The following HMCN1 variants were observed in gnomAD, a reference collection of about 807,000 sequenced individuals.
The protein encoded by HMCN1 is hemicentin 1.
Under a neutral mutation model 625.9 loss-of-function variants are expected in HMCN1, and 321 were observed. That is an observed-to-expected ratio of 0.51 (90% CI 0.47 to 0.56). The LOEUF is 0.56. Ranked by LOEUF, HMCN1 falls within the 20% of genes least tolerant of loss-of-function variation. The probability of loss-of-function intolerance (pLI) is 0.00; values close to 1 mark genes in which losing one functional copy is unlikely to be tolerated. For synonymous variants in HMCN1, 2,425 were observed against 2,417.6 expected (o/e 1.00, Z -0.09); for missense variants, 6,588 against 6,887.3 (o/e 0.96, Z 1.54).
At chr1:186,123,758 T>G (rs996688129) in intron 81 of HMCN1, among the ~76,000 whole-genome samples, 19 of 152,186 alleles carry the variant, frequency 1.2e-4, no homozygotes, top group Non-Finnish European at 2.4e-4. Flanking sequence ...TATTATATAT[T>G]TTGACTAAGG....
At chr1:185,747,452 G>A (rs1654494434) in intron 1 of HMCN1, among the ~76,000 whole-genome samples, 1 of 151,892 alleles carries the variant, frequency 6.6e-6, no homozygotes, top group African/African-American at 2.4e-5. Context: ...CCAAGTAGCT[G>A]GAACTACAGG....
intron 4 of HMCN1, among the ~76,000 whole-genome samples, chr1:185,867,874 G>A (rs1226456276): frequency 2.6e-5 from 4 of 152,048 alleles, no homozygotes; most frequent in African/African-American, 9.7e-5. Flanking sequence ...TTCGAGACCA[G>A]CCTGGCCAAC....
intron 1 of HMCN1, among the ~76,000 whole-genome samples, chr1:185,842,516 AT>A (rs1661537392): frequency 6.6e-6 from 1 of 151,986 alleles, no homozygotes; most frequent in Non-Finnish European, 1.5e-5. Context: ...GTGAGCTGTG[AT>A]CATGCCATTG....
chr1:185,953,730 G>C (rs1004914778), intron 11 of HMCN1, among the ~76,000 whole-genome samples: 2 of 151,824 alleles, frequency 1.3e-5, no homozygotes, highest in Non-Finnish European at 2.9e-5. Flanking sequence ...AACTCCCAAG[G>C]GAGGTCCCCC....
At chr1:186,086,867 G>T (rs139413016) in intron 58 of HMCN1, among the ~76,000 whole-genome samples, 1,863 of 147,678 alleles carry the variant, frequency 0.013, 15 homozygotes, top group Middle Eastern at 0.038. Context: ...TAGATAGATA[G>T]ATTAGACACC....
At chr1:186,048,441 A>G (rs1360047087) in intron 41 of HMCN1, among the ~76,000 whole-genome samples, 1 of 152,094 alleles carries the variant, frequency 6.6e-6, no homozygotes, top group Non-Finnish European at 1.5e-5. Context: ...AAAGTCTTAA[A>G]TGACTTTATC....
At chr1:186,014,136 G>A (rs1455420365) in intron 30 of HMCN1, among the ~76,000 whole-genome samples, 1 of 152,060 alleles carries the variant, frequency 6.6e-6, no homozygotes, top group Admixed American at 6.6e-5. Context: ...TTGATAGCAT[G>A]TACGTTTGGT....
chr1:186,095,372 C>T lies in HMCN1; in HGVS notation c.10424C>T (p.Pro3475Leu), dbSNP rs375235318. 1.4e-5 allele frequency: 22 copies of T among 1,613,616 alleles called. No individual in the cohort carries two copies. Among genetic ancestry groups the T allele is most frequent in the Non-Finnish European group, 1.8e-5 (21 of 1,179,854 alleles). The change falls in exon 68 of 107, where the codon CCT becomes CTT. Residue 3475 changes from proline (P) to leucine (L), a missense_variant. Transcript: ENST00000271588. ...PSMAWLRDGQ[P>L]LGLDAHLTVS... is the part of the protein sequence containing the mutation. ...ATGGCCTGGCTTAGAGATGGCCAGC[C>T]TCTGGGGCTTGATGCCCATCTGACA...
chr1:185,850,873 C>T (rs1662121438), intron 2 of HMCN1, among the ~76,000 whole-genome samples: 1 of 151,954 alleles, frequency 6.6e-6, no homozygotes, highest in Admixed American at 6.6e-5. Context: ...TACTTTTTCC[C>T]TTCATTCAAC....
At chr1:186,146,177 TG>T (rs1228564343) in intron 93 of HMCN1, among the ~76,000 whole-genome samples, 1 of 150,690 alleles carries the variant, frequency 6.6e-6, no homozygotes, top group Non-Finnish European at 1.5e-5. Flanking sequence ...TGAGGCAGAG[TG>T]GGGAAAAATG....
At chr1:185,750,205 G>A (rs918573320) in intron 1 of HMCN1, among the ~76,000 whole-genome samples, 1 of 152,044 alleles carries the variant, frequency 6.6e-6, no homozygotes, top group Non-Finnish European at 1.5e-5. Context: ...AAGTTTCCTG[G>A]CATATAGAAG....
At chr1:185,866,649 G>A (rs908500789) in intron 4 of HMCN1, among the ~76,000 whole-genome samples, 5 of 151,656 alleles carry the variant, frequency 3.3e-5, no homozygotes, top group Admixed American at 2.6e-4. Context: ...CTCGTGATCC[G>A]CCCGCCTCGG....
chr1:185,796,612 G>T (rs1442748079), intron 1 of HMCN1, among the ~76,000 whole-genome samples: 2 of 150,620 alleles, frequency 1.3e-5, no homozygotes, highest in Non-Finnish European at 2.9e-5. Context: ...CTTCTTTTAT[G>T]GCTGAGTTTG....
At chr1:186,149,475 T>A (rs1650538051) in intron 93 of HMCN1, among the ~76,000 whole-genome samples, 1 of 152,228 alleles carries the variant, frequency 6.6e-6, no homozygotes, top group African/African-American at 2.4e-5. Context: ...TTAGTCTGGA[T>A]TGGGCTTTGG....
chr1:185,873,720 T>C (rs1663770437), intron 4 of HMCN1, among the ~76,000 whole-genome samples: 1 of 152,086 alleles, frequency 6.6e-6, no homozygotes, highest in East Asian at 1.9e-4. Context: ...AGGTTTGTTA[T>C]TACATCTTTT....
intron 11 of HMCN1, among the ~76,000 whole-genome samples, chr1:185,935,194 T>C (rs1402658760): frequency 6.6e-6 from 1 of 152,182 alleles, no homozygotes; most frequent in Non-Finnish European, 1.5e-5. Flanking sequence ...GATTGTAAAA[T>C]AAAATCAGAG....
chr1:186,132,607 TCTAA>T (rs1398753300), intron 86 of HMCN1, among the ~76,000 whole-genome samples, 198 bp downstream of exon 86: 1 of 152,094 alleles, frequency 6.6e-6, no homozygotes, highest in Non-Finnish European at 1.5e-5. Context: ...CTCTATTTTA[TCTAA>T]CGTATATAGT....
At chr1:186,051,599 T>C (rs1656955878) in intron 42 of HMCN1, among the ~76,000 whole-genome samples, 1 of 152,058 alleles carries the variant, frequency 6.6e-6, no homozygotes, top group South Asian at 2.1e-4. Context: ...TGTAATTGTG[T>C]CATTTTCTTC....
intron 105 of HMCN1, among the ~76,000 whole-genome samples, chr1:186,187,286 C>T (rs1047131100): frequency 2.6e-5 from 4 of 152,128 alleles, no homozygotes; most frequent in Non-Finnish European, 5.9e-5. Flanking sequence ...CTGCTCCATT[C>T]GATCAGCTTA....
Sources: gnomAD v4.1 joint callset for allele counts (sites outside exome capture counted in the v4.1 genomes callset) on GRCh38, gnomAD v4.1.1 for gene constraint, MANE v1.5 for transcripts, NCBI Gene and HGNC (gene_info 2026-07-23, HGNC 2026-07-21) for gene names.